The following ALK variants were observed in gnomAD, a reference collection of about 807,000 sequenced individuals.
ALK encodes ALK receptor tyrosine kinase.
In ALK, 74 loss-of-function variants were observed where a neutral mutation model predicts 163.1. The ratio of observed to expected loss-of-function variants is 0.45; its 90% CI spans 0.38 to 0.55. ALK has a LOEUF of 0.55. Among genes scored for constraint, ALK ranks in the 20% least tolerant of loss-of-function variants. The pLI, the probability that ALK is intolerant of heterozygous loss-of-function variation, is 0.00. For missense variants in ALK, 2,063 were observed against 2,105.3 expected (o/e 0.98, Z 0.39); for synonymous variants, 960 against 843.2 (o/e 1.14, Z -2.40).
chr2:29,607,338 C>G (rs569873479), intron 3 of ALK, among the ~76,000 whole-genome samples: 7 of 152,290 alleles, frequency 4.6e-5, no homozygotes, highest in African/African-American at 1.7e-4. Flanking sequence ...TGGATCATCT[C>G]TCTAAGCATA....
intron 4 of ALK, among the ~76,000 whole-genome samples, chr2:29,415,012 G>A (rs1305169827): frequency 6.6e-6 from 1 of 151,632 alleles, no homozygotes; most frequent in African/African-American, 2.4e-5. Flanking sequence ...TGGATACATA[G>A]GACATGTGTG....
At chr2:29,425,763 G>T (rs1009831819) in intron 4 of ALK, among the ~76,000 whole-genome samples, 4 of 152,172 alleles carry the variant, frequency 2.6e-5, no homozygotes, top group Non-Finnish European at 5.9e-5. Context: ...CAAAGCAACA[G>T]AATTTATTTA....
chr2:29,420,672 G>A (rs1490073776), intron 4 of ALK, among the ~76,000 whole-genome samples: 3 of 151,546 alleles, frequency 2.0e-5, no homozygotes, highest in Non-Finnish European at 4.4e-5. Flanking sequence ...ACTCCTCTGT[G>A]CGGATGAATA....
intron 5 of ALK, among the ~76,000 whole-genome samples, chr2:29,335,883 T>C (rs1418767145): frequency 1.3e-5 from 2 of 151,830 alleles, no homozygotes; most frequent in Non-Finnish European, 2.9e-5. Flanking sequence ...CTACTAAAAA[T>C]ACAAAAATTA....
chr2:29,870,703 T>C (rs1666556702), intron 1 of ALK, among the ~76,000 whole-genome samples: 2 of 152,222 alleles, frequency 1.3e-5, no homozygotes, highest in African/African-American at 4.8e-5. Flanking sequence ...ATACATCTGC[T>C]TCTACAAATA....
chr2:29,611,251 C>T (rs963788743), intron 3 of ALK, among the ~76,000 whole-genome samples: 1 of 152,086 alleles, frequency 6.6e-6, no homozygotes, highest in Non-Finnish European at 1.5e-5. Flanking sequence ...TGGGACAGCA[C>T]AAAGGGAAAG....
At chr2:29,603,291 T>G (rs1675430620) in intron 3 of ALK, among the ~76,000 whole-genome samples, 1 of 152,120 alleles carries the variant, frequency 6.6e-6, no homozygotes, top group African/African-American at 2.4e-5. Flanking sequence ...GGAAGGGGAT[T>G]CTCTACCAAA....
chr2:29,376,630 C>A (rs1359373420), intron 5 of ALK, among the ~76,000 whole-genome samples: 1 of 152,186 alleles, frequency 6.6e-6, no homozygotes, highest in Non-Finnish European at 1.5e-5. Flanking sequence ...CTGGCAGCCC[C>A]AAGACAGAGT....
Position 29,193,265 on chromosome 2 carries a change from T to G in ALK, c.4822A>C (p.Ile1608Leu). 6.2e-7 allele frequency: 1 copy of G among 1,614,188 alleles called. No homozygotes were observed. Among genetic ancestry groups the G allele is most frequent in the Non-Finnish European group, 8.5e-7 (1 of 1,180,022 alleles). Reference protein sequence around the residue: ...APGAGHYEDTILKSKNSMNQP... With the variant: ...APGAGHYEDTLLKSKNSMNQP... ...TTCATGCTATTCTTGCTTTTCAGAATGGTATCCTCGTAATGACCAGCTCCA... is the reference window on the plus strand; with the variant it reads ...TTCATGCTATTCTTGCTTTTCAGAAGGGTATCCTCGTAATGACCAGCTCCA... Residue 1608 changes from isoleucine to leucine, a missense_variant, in exon 29 of 29, where the codon ATT (isoleucine) becomes CTT (leucine). Physicochemically the swap from Ile to Leu is conservative, Grantham distance 5 (BLOSUM62 2). Coordinates refer to ENST00000389048, the MANE Select transcript of ALK (RefSeq NM_004304.5).
intron 1 of ALK, among the ~76,000 whole-genome samples, chr2:29,758,505 G>A (rs775103715): frequency 9.2e-5 from 14 of 152,138 alleles, no homozygotes; most frequent in Admixed American, 2.0e-4. Context: ...CACTGCCCAT[G>A]GGATGTATCA....
chr2:29,423,944 C>T (rs1670077482), intron 4 of ALK, among the ~76,000 whole-genome samples: 1 of 152,210 alleles, frequency 6.6e-6, no homozygotes, highest in Non-Finnish European at 1.5e-5. Flanking sequence ...CCTCCTTCCC[C>T]TTTCCCTTTC....
chr2:29,888,263 A>ATTTTTTT (rs1558534593), intron 1 of ALK, among the ~76,000 whole-genome samples: 3 of 36,246 alleles, frequency 8.3e-5, no homozygotes, highest in African/African-American at 3.0e-4. Flanking sequence ...TTTTTTTTTA[A>ATTTTTTT]AAAAAGGGAA....
chr2:29,567,620 C>T (rs985843625), intron 3 of ALK, among the ~76,000 whole-genome samples: 5 of 152,138 alleles, frequency 3.3e-5, no homozygotes, highest in Admixed American at 2.6e-4. Flanking sequence ...ATAAACTTTG[C>T]ATGCTTGCTC....
chr2:29,344,030 C>T (rs774004077), intron 5 of ALK, among the ~76,000 whole-genome samples: 14 of 152,190 alleles, frequency 9.2e-5, no homozygotes, highest in Non-Finnish European at 2.1e-4. Flanking sequence ...AGGAAACATT[C>T]ATGCCCACAG....
intron 5 of ALK, among the ~76,000 whole-genome samples, chr2:29,374,432 G>GAAA (rs34034791): frequency 7.2e-6 from 1 of 139,108 alleles, no homozygotes. Flanking sequence ...TGCTTGCCAT[G>GAAA]AAAAAAAAAA....
In ALK at chr2:29,637,709, CA is replaced by C. The variant is rs70958274; in HGVS notation, c.952+57140del. ...GGGTGACAGAGCAAGACTCCGTCTC[CA>C]AAAAAAAAAAAAGAGGACTCTTTGT... On this transcript the variant is annotated intron_variant, in intron 3 of 28. Transcript: ENST00000389048. Among the ~76,000 whole-genome samples the C allele has an allele frequency of 6.8e-4, 76 of 112,312 alleles. 1 individual carries two copies. Among genetic ancestry groups the C allele is most frequent in the South Asian group, 3.7e-3 (12 of 3,256 alleles). The allele number at this position is 112,312 out of a possible 152,430, so 73.7% of individuals were successfully genotyped here. A position where few individuals can be genotyped will look rare whatever the true frequency, so the allele number is the denominator to read the frequency against.
At chr2:29,916,659 G>A (rs1322095392) in intron 1 of ALK, among the ~76,000 whole-genome samples, 1 of 152,196 alleles carries the variant, frequency 6.6e-6, no homozygotes, top group Non-Finnish European at 1.5e-5. Context: ...CATAGTACAT[G>A]TAAAATCCAA....
chr2:29,798,099 G>C (rs1452143119), intron 1 of ALK, among the ~76,000 whole-genome samples: 2 of 152,172 alleles, frequency 1.3e-5, no homozygotes, highest in East Asian at 3.9e-4. Context: ...AAGCCTAGCA[G>C]CCAGATTCCT....
chr2:29,897,569 A>ATG (rs1667303136), intron 1 of ALK, among the ~76,000 whole-genome samples: 1 of 152,130 alleles, frequency 6.6e-6, no homozygotes, highest in Non-Finnish European at 1.5e-5. Flanking sequence ...GATTTCCCTG[A>ATG]TGGCTCCTCC....
Sources: gnomAD v4.1 joint callset for allele counts (sites outside exome capture counted in the v4.1 genomes callset) on GRCh38, gnomAD v4.1.1 for gene constraint, MANE v1.5 for transcripts, NCBI Gene and HGNC (gene_info 2026-07-23, HGNC 2026-07-21) for gene names.